PARP8: variants seen among roughly 807,000 people sequenced by gnomAD.
PARP8 encodes protein mono-ADP-ribosyltransferase PARP8.
A neutral mutation model predicts 124.1 loss-of-function variants in PARP8; 51 were observed. The observed-to-expected ratio is 0.41, with a 90% confidence interval of 0.33 to 0.52. The LOEUF (loss-of-function observed/expected upper bound fraction) is 0.52, where lower values mean the gene tolerates loss of function less well. PARP8 is among the 20% of genes least tolerant of loss of function. The pLI, the probability that PARP8 is intolerant of heterozygous loss-of-function variation, is 0.21. For synonymous variants in PARP8, 391 were observed against 361.5 expected (o/e 1.08, Z -0.93); for missense variants, 860 against 1,018.9 (o/e 0.84, Z 2.12).
At chr5:50,772,910 G>T (rs1464834948) in intron 7 of PARP8, among the ~76,000 whole-genome samples, 1 of 152,024 alleles carries the variant, frequency 6.6e-6, no homozygotes, top group Non-Finnish European at 1.5e-5. Context: ...TGTTGGCTGG[G>T]CTGGTCTCGA....
In PARP8 at chr5:50,842,110, G is replaced by T; in HGVS notation, c.*42G>T. On this transcript the variant is annotated 3_prime_UTR_variant, in exon 26 of 26. Coordinates refer to ENST00000281631, the MANE Select transcript of PARP8 (RefSeq NM_024615.4). ...TAACATGATTCGAAAGCCTTCCTCG[G>T]GTTCAAAGCTGGATTTTGAACTGAA... 1 of 1,379,332 alleles carries T rather than the reference G, an allele frequency of 7.2e-7. No individual in the cohort carries two copies. The highest frequency in any genetic ancestry group is 1.0e-6 in the Non-Finnish European group (1 of 984,572). 85.4% of individuals were successfully genotyped at this position (1,379,332 alleles called of 1,614,324 possible).
intron 2 of PARP8, among the ~76,000 whole-genome samples, chr5:50,709,865 G>GTA (rs1235223774): frequency 6.7e-6 from 1 of 148,568 alleles, no homozygotes; most frequent in Non-Finnish European, 1.5e-5. Flanking sequence ...GTGTGTGTGT[G>GTA]TGTGTGTGTG....
intron 2 of PARP8, among the ~76,000 whole-genome samples, chr5:50,722,586 A>C (rs1756007037): frequency 6.6e-6 from 1 of 152,122 alleles, no homozygotes; most frequent in Admixed American, 6.6e-5. Flanking sequence ...AGTATTACCT[A>C]ATGTCATATC....
chr5:50,830,579 T>A (rs1746843169), intron 22 of PARP8, among the ~76,000 whole-genome samples: 1 of 152,178 alleles, frequency 6.6e-6, no homozygotes, highest in Non-Finnish European at 1.5e-5. Flanking sequence ...ACTTAAAAAA[T>A]TTTTGGAATA....
intron 2 of PARP8, among the ~76,000 whole-genome samples, chr5:50,731,154 T>C (rs1240131093): frequency 2.0e-5 from 3 of 152,228 alleles, no homozygotes; most frequent in African/African-American, 7.2e-5. Flanking sequence ...TTATGTTTGT[T>C]CATCTGTAAA....
At chr5:50,708,004 T>C (rs1186365992) in intron 2 of PARP8, among the ~76,000 whole-genome samples, 1 of 152,144 alleles carries the variant, frequency 6.6e-6, no homozygotes, top group Non-Finnish European at 1.5e-5. Flanking sequence ...ACAATGACTG[T>C]ACTGTTACAC....
At chr5:50,819,369 A>G (rs1352292509) in intron 15 of PARP8, among the ~76,000 whole-genome samples, 1 of 148,778 alleles carries the variant, frequency 6.7e-6, no homozygotes, top group Non-Finnish European at 1.5e-5. Flanking sequence ...GTGAGAGCAT[A>G]TCCATCTGTG....
At chr5:50,682,834 A>G (rs936668062) in intron 2 of PARP8, among the ~76,000 whole-genome samples, 5 of 152,188 alleles carry the variant, frequency 3.3e-5, no homozygotes, top group African/African-American at 1.2e-4. Flanking sequence ...TTCACAGGTT[A>G]GTAAACAGTT....
intron 2 of PARP8, among the ~76,000 whole-genome samples, chr5:50,746,372 G>A (rs1315568666): frequency 6.6e-6 from 1 of 152,120 alleles, no homozygotes; most frequent in Non-Finnish European, 1.5e-5. Context: ...ATGGGTATGT[G>A]ATGCACATGT....
At position 50,795,135 on chromosome 5, in the gene PARP8, T is replaced by G. The variant is rs776055837; in HGVS notation, c.1146T>G (p.His382Gln). 1 of 1,614,088 alleles carries G rather than the reference T, an allele frequency of 6.2e-7. No individual in the cohort carries two copies. The highest frequency in any genetic ancestry group is 1.3e-5 in the African/African-American group (1 of 74,942). ...AGGAATGCCTAACTCTAAAGTCGCA[T>G]AGACTATTGACTCGATCTTGTTCTG... Reference protein sequence around the residue: ...KSEECLTLKSHRLLTRSCSGD... With the variant: ...KSEECLTLKSQRLLTRSCSGD... The change falls in exon 12 of 26, where the codon CAT (histidine) becomes CAG (glutamine). Residue 382 changes from histidine to glutamine, a missense_variant. His to Gln is a conservative substitution (Grantham distance 24). Around this residue, in one of 2 missense-constraint regions of PARP8, gnomAD observed 517 missense variants for 544.2 expected, o/e 0.95. Coordinates refer to ENST00000281631, the MANE Select transcript of PARP8 (RefSeq NM_024615.4).
intron 3 of PARP8, among the ~76,000 whole-genome samples, chr5:50,758,186 G>C (rs761458272): frequency 6.6e-6 from 1 of 152,016 alleles, no homozygotes; most frequent in Non-Finnish European, 1.5e-5. Context: ...TAATAATTAA[G>C]TTTATATTAA....
At chr5:50,676,989 T>G (rs530883066) in intron 2 of PARP8, among the ~76,000 whole-genome samples, 1 of 152,266 alleles carries the variant, frequency 6.6e-6, no homozygotes, top group East Asian at 1.9e-4. Context: ...CTTAAAATGG[T>G]TCATGTTAAG....
chr5:50,718,001 G>A (rs1295646049), intron 2 of PARP8, among the ~76,000 whole-genome samples: 1 of 151,894 alleles, frequency 6.6e-6, no homozygotes, highest in Non-Finnish European at 1.5e-5. Context: ...TTCAAGAAAC[G>A]TTCGTAGGAA....
At chr5:50,796,841 T>C (rs757052179) in intron 12 of PARP8, 141 bp from the exon 13 acceptor site, 28 of 704,484 alleles carry the variant, frequency 4.0e-5, no homozygotes, top group Non-Finnish European at 5.4e-5. Flanking sequence ...TTTTTAATTT[T>C]GATGTCATCA....
Position 50,841,742 on chromosome 5 carries a change from T to TAA in PARP8, c.2463-213_2463-212dup, listed in dbSNP as rs5867719. Among the ~76,000 whole-genome samples, 125 of 146,870 alleles carry TAA rather than the reference T, an allele frequency of 8.5e-4. No homozygotes were observed. The East Asian group carries it at 0.018, about 21-fold the overall frequency. ...ACTCAGACAGTCTTTTATGCGGGGA[T>TAA]AAAAAAAAAAAATGGAAGAAAGGGG... is the stretch of plus-strand genomic sequence containing the variant. On this transcript the variant is annotated intron_variant, in intron 25 of 25. Coordinates refer to ENST00000281631, the MANE Select transcript of PARP8 (RefSeq NM_024615.4).
intron 2 of PARP8, among the ~76,000 whole-genome samples, chr5:50,702,215 G>T (rs1347674928): frequency 1.3e-5 from 2 of 151,826 alleles, no homozygotes; most frequent in African/African-American, 4.8e-5. Flanking sequence ...CACTAAGAAA[G>T]GACAATAAAT....
intron 9 of PARP8, among the ~76,000 whole-genome samples, chr5:50,784,532 C>T (rs1159898764): frequency 6.6e-6 from 1 of 152,060 alleles, no homozygotes; most frequent in Non-Finnish European, 1.5e-5. Context: ...TTATTGGTAC[C>T]TCTGTGCTTG....
At chr5:50,797,059 A>G (rs769380860) in intron 13 of PARP8, 27 bp downstream of exon 13, 53 of 1,612,004 alleles carry the variant, frequency 3.3e-5, no homozygotes, top group Non-Finnish European at 4.2e-5. Context: ...TATCCATTGT[A>G]CAAATATTTT....
intron 14 of PARP8, among the ~76,000 whole-genome samples, chr5:50,805,263 A>T (rs1033758993): frequency 2.0e-5 from 3 of 152,126 alleles, no homozygotes; most frequent in Non-Finnish European, 4.4e-5. Flanking sequence ...TAAATATGAA[A>T]ATAATGATTG....
Sources: allele counts gnomAD v4.1 joint callset (sites outside exome capture counted in the v4.1 genomes callset), GRCh38; gene constraint gnomAD v4.1.1; regional missense constraint gnomAD v4.1.1; transcripts MANE v1.5; gene names NCBI Gene and HGNC (gene_info 2026-07-23, HGNC 2026-07-21).